Variants in CDK14 observed in about 807,000 individuals in gnomAD.
The protein encoded by CDK14 is cyclin dependent kinase 14.
Under a neutral mutation model 60.7 loss-of-function variants are expected in CDK14, and 34 were observed. The ratio of observed to expected loss-of-function variants is 0.56; its 90% CI spans 0.43 to 0.75. The LOEUF (loss-of-function observed/expected upper bound fraction) is 0.75, where lower values mean the gene tolerates loss of function less well. Ranked by LOEUF, CDK14 falls within the 30% of genes least tolerant of loss-of-function variation. The pLI, the probability that CDK14 is intolerant of heterozygous loss-of-function variation, is 0.00. For synonymous variants in CDK14, 197 were observed against 203.7 expected (o/e 0.97, Z 0.28); for missense variants, 482 against 564.1 (o/e 0.85, Z 1.47).
chr7:90,863,668 A>ATGTGTGTGTG (rs549142223), intron 6 of CDK14, among the ~76,000 whole-genome samples: 2 of 48,848 alleles, frequency 4.1e-5, no homozygotes, highest in Non-Finnish European at 8.9e-5. Context: ...GCTTATTAAG[A>ATGTGTGTGTG]TATGTGTGTG....
chr7:91,187,862 G>A (rs907253690), intron 14 of CDK14, among the ~76,000 whole-genome samples: 2 of 152,122 alleles, frequency 1.3e-5, no homozygotes, highest in South Asian at 2.1e-4. Context: ...TGCAAATGGA[G>A]TCTTTGCCTG....
At chr7:91,118,878 A>C (rs1799694284) in intron 14 of CDK14, among the ~76,000 whole-genome samples, 2 of 152,130 alleles carry the variant, frequency 1.3e-5, no homozygotes, top group Admixed American at 1.3e-4. Context: ...AGCATAATCT[A>C]AACTTGGCAA....
At position 90,659,875 on chromosome 7, in the gene CDK14, C is replaced by CTCTCTCTCTCTG. The variant is rs1235758434; in HGVS notation, c.123+55627_123+55628insCTCTCTCTCTGT. ...TCTCTCTCTCTCTCTCTCTCTCTCT[C>CTCTCTCTCTCTG]TGTGTGTGTGTGTGTGTGTGTGTGT... is the stretch of plus-strand genomic sequence containing the variant. On this transcript the variant is annotated intron_variant, in intron 2 of 14. Coordinates refer to ENST00000380050, the MANE Select transcript of CDK14 (RefSeq NM_001287135.2). 9.3e-4 allele frequency among the ~76,000 whole-genome samples: 120 copies of CTCTCTCTCTCTG among 129,026 alleles called. 1 individual carries two copies. Among genetic ancestry groups the CTCTCTCTCTCTG allele is most frequent in the Non-Finnish European group, 1.1e-3 (65 of 60,682 alleles). The allele number at this position is 129,026 out of a possible 152,430, so 84.6% of individuals were successfully genotyped here.
At chr7:90,779,495 C>T (rs1805215864) in intron 4 of CDK14, among the ~76,000 whole-genome samples, 1 of 152,160 alleles carries the variant, frequency 6.6e-6, no homozygotes. Flanking sequence ...CAGAAGTGAT[C>T]TTCCTGCCCC....
intron 2 of CDK14, among the ~76,000 whole-genome samples, chr7:90,625,658 G>C (rs1374811162): frequency 2.6e-5 from 4 of 152,122 alleles, no homozygotes. Flanking sequence ...TAAGAGAGAA[G>C]GCTTTGTGAT....
At chr7:90,730,957 C>T (rs927344985) in intron 3 of CDK14, among the ~76,000 whole-genome samples, 3 of 151,886 alleles carry the variant, frequency 2.0e-5, no homozygotes, top group Admixed American at 6.6e-5. Flanking sequence ...GTATTGCCAA[C>T]GTTTTCTTCT....
chr7:90,887,943 A>AT (rs776043796), intron 6 of CDK14, among the ~76,000 whole-genome samples: 4 of 152,190 alleles, frequency 2.6e-5, no homozygotes, highest in Non-Finnish European at 5.9e-5. Context: ...TTCACTTATT[A>AT]TAAGAGTTTG....
At chr7:90,738,998 A>T (rs1209600587) in intron 3 of CDK14, among the ~76,000 whole-genome samples, 1 of 152,126 alleles carries the variant, frequency 6.6e-6, no homozygotes, top group Non-Finnish European at 1.5e-5. Context: ...TACAGATCAG[A>T]CCATTTCTGC....
intron 14 of CDK14, among the ~76,000 whole-genome samples, chr7:91,179,969 C>G (rs1318199864): frequency 6.6e-6 from 1 of 151,988 alleles, no homozygotes; most frequent in African/African-American, 2.4e-5. Flanking sequence ...TAGATTCAAA[C>G]TTATGTACAT....
intron 10 of CDK14, among the ~76,000 whole-genome samples, chr7:91,014,716 A>G (rs558505653): frequency 8.5e-5 from 13 of 152,180 alleles, no homozygotes; most frequent in Non-Finnish European, 1.8e-4. Context: ...AAGGTTAGCT[A>G]TGTGTATTGT....
chr7:90,665,660 G>C (rs1410960921), intron 2 of CDK14, among the ~76,000 whole-genome samples: 2 of 152,178 alleles, frequency 1.3e-5, no homozygotes, highest in Admixed American at 6.5e-5. Flanking sequence ...AGAAATTCAG[G>C]CATCAGGGAA....
intron 11 of CDK14, among the ~76,000 whole-genome samples, chr7:91,064,920 A>G (rs1256329757): frequency 6.6e-6 from 1 of 152,188 alleles, no homozygotes; most frequent in Admixed American, 6.5e-5. Flanking sequence ...CTCTAGAGAA[A>G]AATGTCTTGT....
At chr7:91,106,270 A>G (rs572345666) in intron 12 of CDK14, among the ~76,000 whole-genome samples, 1 of 152,356 alleles carries the variant, frequency 6.6e-6, no homozygotes, top group South Asian at 2.1e-4. Context: ...ACAGAAGCCT[A>G]TGGAATAATG....
At chr7:90,676,068 C>A (rs1037760007) in intron 2 of CDK14, among the ~76,000 whole-genome samples, 1 of 152,196 alleles carries the variant, frequency 6.6e-6, no homozygotes, top group Non-Finnish European at 1.5e-5. Flanking sequence ...TGAGCACATA[C>A]TATATGCCTG....
intron 3 of CDK14, among the ~76,000 whole-genome samples, chr7:90,743,823 A>C (rs1408624348): frequency 6.6e-6 from 1 of 151,856 alleles, no homozygotes. Context: ...AAAAATGCTT[A>C]CTGGGCTATA....
chr7:90,692,832 G>A (rs1245864228), intron 2 of CDK14: 3 of 171,942 alleles, frequency 1.7e-5, no homozygotes, highest in Non-Finnish European at 3.5e-5. Flanking sequence ...TGGGAGGCTG[G>A]GGCAGGTGAC....
chr7:91,046,606 T>G (rs1374195977), intron 11 of CDK14, among the ~76,000 whole-genome samples: 1 of 152,158 alleles, frequency 6.6e-6, no homozygotes. Flanking sequence ...CTGATTTTTA[T>G]AAGAGAAGGG....
chr7:90,888,188 A>G lies in CDK14; in HGVS notation c.640-11103A>G, dbSNP rs59444915. 5.9e-3 allele frequency among the ~76,000 whole-genome samples: 899 copies of G among 152,114 alleles called. 15 individuals carry two copies. The highest frequency in any genetic ancestry group is 0.02 in the African/African-American group (848 of 41,472). On this transcript the variant is annotated intron_variant, in intron 6 of 14. Transcript: ENST00000380050. ...AGCATGGTGAACCCCCCTCTCTACT[A>G]AAAATACAAAAATTAGCTGGGCATG...
At chr7:91,132,488 A>G (rs1006283026) in intron 14 of CDK14, among the ~76,000 whole-genome samples, 2 of 152,156 alleles carry the variant, frequency 1.3e-5, no homozygotes, top group East Asian at 1.9e-4. Context: ...GTTGTTGCCC[A>G]TAGAGAATAT....
Sources: gnomAD v4.1 joint callset for allele counts (sites outside exome capture counted in the v4.1 genomes callset) on GRCh38, gnomAD v4.1.1 for gene constraint, MANE v1.5 for transcripts, NCBI Gene and HGNC (gene_info 2026-07-23, HGNC 2026-07-21) for gene names.